Variants in ABCD2 observed in about 807,000 individuals in gnomAD.
ABCD2 encodes the protein ATP binding cassette subfamily D member 2.
Under a neutral mutation model 70.9 loss-of-function variants are expected in ABCD2, and 36 were observed. That is an observed-to-expected ratio of 0.51 (90% confidence interval 0.39 to 0.67). ABCD2 has a LOEUF of 0.67. ABCD2 is among the 30% of genes least tolerant of loss of function. The pLI is 0.00. For missense variants in ABCD2, 729 were observed against 890.2 expected, an observed-to-expected ratio of 0.82 and a Z score of 2.30; for synonymous variants, 304 against 306.9, an observed-to-expected ratio of 0.99 and a Z score of 0.10.
chr12:39,608,388 A>C (rs1202060988), intron 2 of ABCD2, among the ~76,000 whole-genome samples: 2 of 151,774 alleles, frequency 1.3e-5, no homozygotes, highest in African/African-American at 4.8e-5. Context: ...GGAGGGAGCA[A>C]TAATGTACTA....
At chr12:39,534,539 T>C in the ABCD2 span, among the ~76,000 whole-genome samples, 2 of 151,920 alleles carry the variant, frequency 1.3e-5, no homozygotes, top group African/African-American at 2.4e-5. Flanking sequence ...AGGCCGGGCA[T>C]GGCAGCTCAC....
chr12:39,567,585 A>T (rs1566541545), intron 9 of ABCD2, among the ~76,000 whole-genome samples: 1 of 152,086 alleles, frequency 6.6e-6, no homozygotes, highest in Non-Finnish European at 1.5e-5. Context: ...TCTTTATCCA[A>T]TTTGCCAATT....
chr12:39,579,090 G>C (rs896551647), intron 8 of ABCD2, among the ~76,000 whole-genome samples: 1 of 152,128 alleles, frequency 6.6e-6, no homozygotes, highest in Non-Finnish European at 1.5e-5. Context: ...GGCCAGTCAC[G>C]GTGGCTCACG....
chr12:39,586,048 C>T, intron 7 of ABCD2, 104 bp downstream of exon 7: 2 of 1,048,318 alleles, frequency 1.9e-6, no homozygotes. Context: ...GTGCTTATTT[C>T]CGATTATAGC....
At chr12:39,606,285 T>G (rs1197930687) in intron 3 of ABCD2, among the ~76,000 whole-genome samples, 1 of 152,182 alleles carries the variant, frequency 6.6e-6, no homozygotes, top group Non-Finnish European at 1.5e-5. Flanking sequence ...CTTAGAACCC[T>G]AACTCTACAA....
rs754203599 is a variant in ABCD2, at chr12:39,618,993, TG to T, written c.622del (p.Gln208AsnfsTer8). The T allele has an allele frequency of 1.9e-6, 3 of 1,614,086 alleles. No homozygotes were observed. The African/African-American group carries it at 4.0e-5, about 22-fold the overall frequency. ...NMDGRLANPDQSLTEDIMMFS... is the reference protein window; with the variant it reads ...NMDGRLANPDXSLTEDIMMFS... ...CATCATAATATCCTCCGTAAGAGAT[TG>T]GTCAGGGTTTGCCAGCCTCCCATCC... On this transcript the variant is annotated frameshift_variant, in exon 1 of 10. Transcript: ENST00000308666. LOFTEE classifies it high-confidence loss of function.
chr12:39,557,528 A>G (rs1055044197), intron 9 of ABCD2, among the ~76,000 whole-genome samples: 2 of 152,136 alleles, frequency 1.3e-5, no homozygotes, highest in African/African-American at 4.8e-5. Flanking sequence ...AAATTTGCAT[A>G]AGTAATGAGG....
intron 2 of ABCD2, among the ~76,000 whole-genome samples, chr12:39,612,116 C>T (rs1942053141): frequency 6.6e-6 from 1 of 152,148 alleles, no homozygotes; most frequent in African/African-American, 2.4e-5. Context: ...AACCCTTACA[C>T]ATTGCTGTTG....
At chr12:39,533,169 AAAAAAC>A in the ABCD2 span, among the ~76,000 whole-genome samples, 1 of 152,154 alleles carries the variant, frequency 6.6e-6, no homozygotes, top group African/African-American at 2.4e-5. Context: ...CTGTCTCAAA[AAAAAAC>A]AAAAACAAAA....
At chr12:39,575,117 T>A (rs1008565251) in intron 8 of ABCD2, among the ~76,000 whole-genome samples, 1 of 152,214 alleles carries the variant, frequency 6.6e-6, no homozygotes, top group African/African-American at 2.4e-5. Flanking sequence ...GAGGAAGAAG[T>A]AAAGGAAGTA....
At chr12:39,582,589 C>T (rs1305813628) in intron 7 of ABCD2, among the ~76,000 whole-genome samples, 1 of 152,096 alleles carries the variant, frequency 6.6e-6, no homozygotes, top group Non-Finnish European at 1.5e-5. Flanking sequence ...ATAACTTGCC[C>T]AAGATAAACA....
intron 7 of ABCD2, among the ~76,000 whole-genome samples, chr12:39,582,872 T>A (rs2071117120): frequency 6.6e-6 from 1 of 152,076 alleles, no homozygotes; most frequent in South Asian, 2.1e-4. Context: ...TTTTTTTTTT[T>A]TTTTTAGACA....
intron 9 of ABCD2, among the ~76,000 whole-genome samples, chr12:39,568,570 G>A (rs551938684): frequency 2.0e-4 from 31 of 151,956 alleles, no homozygotes; most frequent in Admixed American, 6.6e-4. Flanking sequence ...CCATGGGTTC[G>A]AACTCCCTCC....
chr12:39,574,096 G>T (rs59317736), intron 8 of ABCD2, among the ~76,000 whole-genome samples: 5,363 of 152,138 alleles, frequency 0.035, 331 homozygotes, highest in African/African-American at 0.12. Flanking sequence ...GTAGATGAAT[G>T]AATCATAAAT....
chr12:39,539,052 G>A, the ABCD2 span, among the ~76,000 whole-genome samples: 2 of 152,114 alleles, frequency 1.3e-5, no homozygotes, highest in East Asian at 1.9e-4. Flanking sequence ...GTCTGTTGGC[G>A]CACTCTCAGG....
At chr12:39,564,433 A>G (rs947502174) in intron 9 of ABCD2, among the ~76,000 whole-genome samples, 4 of 152,288 alleles carry the variant, frequency 2.6e-5, no homozygotes, top group African/African-American at 9.6e-5. Context: ...TCTTCTTTTG[A>G]GAAGTGTCTG....
At position 39,616,707 on chromosome 12, in the gene ABCD2, A is replaced by G. The variant is rs117657092; in HGVS notation, c.1120+281T>C. ...TAAGTGTAAACTAAAGAATCATCCT[A>G]TATTAGGCAATATAATTAAAATTGC... is the stretch of plus-strand genomic sequence containing the variant. On this transcript the variant is annotated intron_variant, in intron 2 of 9. Coordinates refer to ENST00000308666, the MANE Select transcript of ABCD2 (RefSeq NM_005164.4). 1.3e-3 allele frequency among the ~76,000 whole-genome samples: 195 copies of G among 152,216 alleles called. 1 individual carries two copies. Among genetic ancestry groups the G allele is most frequent in the East Asian group, 4.3e-3 (22 of 5,176 alleles).
At chr12:39,615,314 T>C (rs1942101151) in intron 2 of ABCD2, among the ~76,000 whole-genome samples, 1 of 152,040 alleles carries the variant, frequency 6.6e-6, no homozygotes, top group African/African-American at 2.4e-5. Context: ...TAAATGAGTA[T>C]CGTTATTTTA....
At chr12:39,590,254 C>T (rs1376364067) in intron 6 of ABCD2, among the ~76,000 whole-genome samples, 1 of 152,114 alleles carries the variant, frequency 6.6e-6, no homozygotes, top group Non-Finnish European at 1.5e-5. Flanking sequence ...TTCAGATAAT[C>T]TTCTAAATAT....
Sources: gnomAD v4.1 joint callset for allele counts (sites outside exome capture counted in the v4.1 genomes callset) on GRCh38, gnomAD v4.1.1 for gene constraint, MANE v1.5 for transcripts, NCBI Gene and HGNC (gene_info 2026-07-23, HGNC 2026-07-21) for gene names.